ETV1: variants seen among roughly 807,000 people sequenced by gnomAD.
ETV1 encodes ETS translocation variant 1.
In ETV1, 27 loss-of-function variants were observed where a neutral mutation model predicts 62.3. That is an observed-to-expected ratio of 0.43 (90% CI 0.32 to 0.60). The LOEUF is 0.60. Ranked by LOEUF, ETV1 falls within the 20% of genes least tolerant of loss-of-function variation. The pLI is 0.06. For missense variants in ETV1, 605 were observed against 605.8 expected, an observed-to-expected ratio of 1.00 and a Z score of 0.01; for synonymous variants, 222 against 199.6, an observed-to-expected ratio of 1.11 and a Z score of -0.94.
chr7:13,988,140 T>C lies in ETV1; in HGVS notation c.79A>G (p.Thr27Ala), dbSNP rs1782716403. 2 of 1,612,906 alleles carry C rather than the reference T, an allele frequency of 1.2e-6. No homozygotes were observed. Among genetic ancestry groups the C allele is most frequent in the Non-Finnish European group, 1.7e-6 (2 of 1,178,932 alleles). ...ATGAATTTTCTTTTCCTGACATTTG[T>C]TGGTTTCTCGTTACAATTTCTCCCA... The part of the protein sequence containing the change: ...QRGRNCNEKP[T>A]NVRKRKFINR... Residue 27 changes from threonine (T) to alanine (A), a missense_variant, in exon 4 of 14, where the codon ACA becomes GCA. Transcript: ENST00000430479.
At position 13,945,505 on chromosome 7, in the gene ETV1, A is replaced by T. The variant is rs1455172411; in HGVS notation, c.236-6259T>A. Among the ~76,000 whole-genome samples, 3 of 152,050 alleles carry T rather than the reference A, an allele frequency of 2.0e-5. No individual in the cohort carries two copies. The South Asian group carries it at 6.2e-4, about 32-fold the overall frequency. On this transcript the variant is annotated intron_variant, in intron 6 of 13. Transcript: ENST00000430479. The stretch of plus-strand genomic sequence containing the variant: ...CCAATGAATCTGAGTTGGCAAAAAA[A>T]ATTTTTTTTTTGAATTGCTGCATGT...
At chr7:13,951,724 T>C (rs1788836085) in intron 6 of ETV1, among the ~76,000 whole-genome samples, 1 of 152,176 alleles carries the variant, frequency 6.6e-6, no homozygotes, top group Admixed American at 6.5e-5. Flanking sequence ...ATATCAAATA[T>C]TGTAATATCA....
Position 13,891,604 on chromosome 7 carries a change from C to G in ETV1, c.*4262G>C, listed in dbSNP as rs964318118. 1.7e-5 allele frequency: 4 copies of G among 231,300 alleles called. No individual in the cohort carries two copies. Among genetic ancestry groups the G allele is most frequent in the Non-Finnish European group, 3.4e-5 (4 of 117,134 alleles). The allele number at this position is 231,300 out of a possible 1,614,324, so 14.3% of individuals were successfully genotyped here. A position where few individuals can be genotyped will look rare whatever the true frequency, so the allele number is the denominator to read the frequency against. ...TTTTTAAGTATGTCAAAGTGAGTCTCATGTATATAAAAAAAGAAGTCCTAA... is the reference window on the plus strand; with the variant it reads ...TTTTTAAGTATGTCAAAGTGAGTCTGATGTATATAAAAAAAGAAGTCCTAA... On this transcript the variant is annotated 3_prime_UTR_variant, in exon 14 of 14. Coordinates refer to ENST00000430479, the MANE Select transcript of ETV1 (RefSeq NM_004956.5).
At chr7:13,930,470 T>C (rs887229070) in intron 9 of ETV1, among the ~76,000 whole-genome samples, 1 of 151,992 alleles carries the variant, frequency 6.6e-6, no homozygotes, top group Non-Finnish European at 1.5e-5. Context: ...TACAGGCACG[T>C]GCCAGCATGC....
At chr7:13,967,242 G>T (rs1562693928) in intron 6 of ETV1, among the ~76,000 whole-genome samples, 2 of 151,938 alleles carry the variant, frequency 1.3e-5, no homozygotes, top group African/African-American at 4.8e-5. Context: ...TCTTCAACAG[G>T]ACCTAAAAAC....
intron 10 of ETV1, 42 bp from the exon 11 acceptor site, chr7:13,909,742 A>G (rs746623618): frequency 2.7e-6 from 4 of 1,487,598 alleles, no homozygotes; most frequent in Non-Finnish European, 3.7e-6. Flanking sequence ...GATAGAAATG[A>G]AGCTCACAAA....
At chr7:13,917,960 T>C (rs374317156) in intron 9 of ETV1, among the ~76,000 whole-genome samples, 1 of 151,706 alleles carries the variant, frequency 6.6e-6, no homozygotes, top group Non-Finnish European at 1.5e-5. Context: ...TGAGACTCTG[T>C]CTCAGAAAAA....
chr7:13,949,630 T>G (rs1166008246), intron 6 of ETV1, among the ~76,000 whole-genome samples: 1 of 152,146 alleles, frequency 6.6e-6, no homozygotes, highest in Admixed American at 6.6e-5. Context: ...ATCTCAGCCA[T>G]CAGCAGAGTG....
chr7:13,960,229 A>G (rs17167691), intron 6 of ETV1, among the ~76,000 whole-genome samples: 16,422 of 152,224 alleles, frequency 0.11, 974 homozygotes, highest in African/African-American at 0.16. Context: ...CAACTCTTTC[A>G]TGGCTAAATT....
intron 13 of ETV1, among the ~76,000 whole-genome samples, chr7:13,896,549 A>G (rs1781795821): frequency 6.6e-6 from 1 of 152,132 alleles, no homozygotes; most frequent in Non-Finnish European, 1.5e-5. Flanking sequence ...TCAAAATTTA[A>G]AAGAAAAATG....
At chr7:13,973,671 G>C (rs376643859) in intron 6 of ETV1, among the ~76,000 whole-genome samples, 1 of 151,626 alleles carries the variant, frequency 6.6e-6, no homozygotes, top group African/African-American at 2.4e-5. Flanking sequence ...GGCGATTTCA[G>C]ACTTATTTTT....
Position 13,939,153 on chromosome 7 carries a change from T to A in ETV1, c.329A>T (p.Lys110Ile), listed in dbSNP as rs1787171846. The change falls in exon 7 of 14, where the codon AAA (lysine) becomes ATA (isoleucine). Residue 110 changes from lysine to isoleucine, a missense_variant. Transcript: ENST00000430479. ...CAGGCACTTTTCTCCATAGCTGAAT[T>A]TAAAGGGCTGTTCTTGACTGCAGGC... is the stretch of plus-strand genomic sequence containing the variant. ...SSACSQEQPFKFSYGEKCLYN... is the reference protein window; with the variant it reads ...SSACSQEQPFIFSYGEKCLYN... 2 of 1,613,468 alleles carry A rather than the reference T, an allele frequency of 1.2e-6. No homozygotes were observed. The highest frequency in any genetic ancestry group is 1.7e-6 in the Non-Finnish European group (2 of 1,179,728).
At chr7:13,951,978 T>C (rs1264059211) in intron 6 of ETV1, among the ~76,000 whole-genome samples, 3 of 152,162 alleles carry the variant, frequency 2.0e-5, no homozygotes, top group Non-Finnish European at 4.4e-5. Flanking sequence ...CCATCAGATG[T>C]TACTTCACTA....
chr7:13,900,653 T>C, intron 13 of ETV1, 85 bp downstream of exon 13: 5 of 946,746 alleles, frequency 5.3e-6, no homozygotes, highest in African/African-American at 3.3e-5. Flanking sequence ...GCTTCAGCAA[T>C]GCAATGATAT....
chr7:13,922,854 A>G (rs998577302), intron 9 of ETV1, among the ~76,000 whole-genome samples: 2 of 152,140 alleles, frequency 1.3e-5, no homozygotes, highest in Non-Finnish European at 1.5e-5. Context: ...GTGTGCCCCA[A>G]TTGTTCAGAA....
rs187882558 is a variant in ETV1, at chr7:13,951,132, C to T, written c.236-11886G>A. On this transcript the variant is annotated intron_variant, in intron 6 of 13. Transcript: ENST00000430479. ...ACTCACTTATCAGCCTGCCTACCCC[C>T]TATTTAACACATAGATAAGAAATCA... Among the ~76,000 whole-genome samples, 33 of 152,126 alleles carry T rather than the reference C, an allele frequency of 2.2e-4. No individual in the cohort carries two copies. In the East Asian group the frequency reaches 6.0e-3, roughly 28 times the overall value.
At chr7:13,986,946 G>A (rs1484985050) in intron 4 of ETV1, 3 of 375,258 alleles carry the variant, frequency 8.0e-6, no homozygotes, top group Non-Finnish European at 1.4e-5. Context: ...TTAACAAACA[G>A]CTTAATAAAT....
intron 13 of ETV1, among the ~76,000 whole-genome samples, chr7:13,898,533 C>T (rs944603054): frequency 6.6e-6 from 1 of 152,126 alleles, no homozygotes; most frequent in Admixed American, 6.6e-5. Context: ...GGTAAACATA[C>T]ACTGTTCCAT....
At chr7:13,908,534 A>C (rs530980728) in intron 11 of ETV1, among the ~76,000 whole-genome samples, 1 of 152,262 alleles carries the variant, frequency 6.6e-6, no homozygotes, top group East Asian at 1.9e-4. Flanking sequence ...TCTGAAATGC[A>C]AAGCTTAAAG....
Sources: gnomAD v4.1 joint callset for allele counts (sites outside exome capture counted in the v4.1 genomes callset) on GRCh38, gnomAD v4.1.1 for gene constraint, MANE v1.5 for transcripts, NCBI Gene and HGNC (gene_info 2026-07-23, HGNC 2026-07-21) for gene names.